The following JMY variants were observed in gnomAD, a reference collection of about 807,000 sequenced individuals.
JMY encodes the protein junction-mediating and -regulatory protein.
In JMY, 46 loss-of-function variants were observed where a neutral mutation model predicts 103.3. The ratio of observed to expected loss-of-function variants is 0.45; its 90% CI spans 0.35 to 0.57. The LOEUF (loss-of-function observed/expected upper bound fraction) is 0.57, where lower values mean the gene tolerates loss of function less well. Ranked by LOEUF, JMY falls within the 20% of genes least tolerant of loss-of-function variation. The pLI, the probability that JMY is intolerant of heterozygous loss-of-function variation, is 0.00. For missense variants in JMY, 1,238 were observed against 1,255.2 expected (o/e 0.99, Z 0.21); for synonymous variants, 526 against 489.3 (o/e 1.07, Z -0.99).
At chr5:79,260,327 A>G (rs1043504556) in intron 1 of JMY, among the ~76,000 whole-genome samples, 6 of 152,092 alleles carry the variant, frequency 3.9e-5, no homozygotes, top group Admixed American at 2.0e-4. Flanking sequence ...CAGGAAACCC[A>G]CTGCCACCAC....
At position 79,261,629 on chromosome 5, in the gene JMY, T is replaced by C. The variant is rs1473994540; in HGVS notation, c.1033-16281T>C. Among the ~76,000 whole-genome samples the C allele has an allele frequency of 2.0e-5, 3 of 152,304 alleles. No homozygotes were observed. The East Asian group carries it at 5.8e-4, about 29-fold the overall frequency. On this transcript the variant is annotated intron_variant, in intron 1 of 10. Coordinates refer to ENST00000396137, the MANE Select transcript of JMY (RefSeq NM_152405.5). The stretch of plus-strand genomic sequence containing the variant: ...ACTATTTTCCCTAACCCCCCTTACA[T>C]GAAAATTGTGTACTTCTCAGTAACC...
intron 2 of JMY, among the ~76,000 whole-genome samples, chr5:79,280,970 A>G (rs1340914185): frequency 6.6e-6 from 1 of 151,754 alleles, no homozygotes; most frequent in African/African-American, 2.4e-5. Context: ...TTGATTAGCA[A>G]AGTAGTTGTT....
intron 10 of JMY, among the ~76,000 whole-genome samples, chr5:79,318,761 T>TATAGAG (rs1218912301): frequency 1.5e-3 from 83 of 53,562 alleles, no homozygotes; most frequent in Admixed American, 2.3e-3. Flanking sequence ...TATATATATA[T>TATAGAG]AGAGAGAGAG....
intron 1 of JMY, among the ~76,000 whole-genome samples, chr5:79,254,145 G>C (rs1232612229): frequency 6.6e-6 from 1 of 151,266 alleles, no homozygotes; most frequent in Non-Finnish European, 1.5e-5. Flanking sequence ...AGTAGAGACG[G>C]GGTTTCGCGA....
intron 2 of JMY, among the ~76,000 whole-genome samples, chr5:79,278,813 G>A (rs991832674): frequency 4.0e-4 from 47 of 116,298 alleles, no homozygotes; most frequent in African/African-American, 1.3e-3. Flanking sequence ...TTTTTTTTTC[G>A]AGATGGGATC....
At chr5:79,260,056 C>G (rs1745374146) in intron 1 of JMY, among the ~76,000 whole-genome samples, 1 of 152,236 alleles carries the variant, frequency 6.6e-6, no homozygotes, top group African/African-American at 2.4e-5. Context: ...CAGCCTGGCC[C>G]CATTGCAGTG....
At position 79,236,477 on chromosome 5, in the gene JMY, G is replaced by A. The variant is rs1744496813; in HGVS notation, c.-174G>A. 1 of 450,332 alleles carries A rather than the reference G, an allele frequency of 2.2e-6. No individual in the cohort carries two copies. Among genetic ancestry groups the A allele is most frequent in the Admixed American group, 4.5e-5 (1 of 22,414 alleles). The allele number at this position is 450,332 out of a possible 1,614,324, so 27.9% of individuals were successfully genotyped here. A position where few individuals can be genotyped will look rare whatever the true frequency, so the allele number is the denominator to read the frequency against. ...TTCTCTCGATCCGCGCCACAAAGGA[G>A]CTCGGCGGTCGGGGCGCGGAGGGAC... On this transcript the variant is annotated 5_prime_UTR_variant, in exon 1 of 11. Coordinates refer to ENST00000396137, the MANE Select transcript of JMY (RefSeq NM_152405.5).
Position 79,300,112 on chromosome 5 carries a change from C to G in JMY, c.1528-41C>G, listed in dbSNP as rs747245454. 1.9e-6 allele frequency: 3 copies of G among 1,583,520 alleles called. No homozygotes were observed. In the East Asian group the frequency reaches 6.8e-5, roughly 36 times the overall value. On this transcript the variant is annotated intron_variant, in intron 4 of 10. Coordinates refer to ENST00000396137, the MANE Select transcript of JMY (RefSeq NM_152405.5). ...TTAATACTAACTCAATTTTCTTGTC[C>G]CCACCAGCTAGAAATTTTTTAATTT...
At chr5:79,240,798 T>A (rs1744716343) in intron 1 of JMY, among the ~76,000 whole-genome samples, 1 of 152,216 alleles carries the variant, frequency 6.6e-6, no homozygotes, top group South Asian at 2.1e-4. Flanking sequence ...CATGTATTTG[T>A]CTTAAGCTAA....
chr5:79,320,377 T>C (rs1345519761), intron 10 of JMY, among the ~76,000 whole-genome samples: 1 of 151,546 alleles, frequency 6.6e-6, no homozygotes, highest in Non-Finnish European at 1.5e-5. Context: ...TCTCACTGTG[T>C]CAGCCAGGCT....
Position 79,284,729 on chromosome 5 carries a change from C to G in JMY, c.1207-5392C>G, listed in dbSNP as rs182399680. ...GCAAGACTCACTTCAAACACACGAC[C>G]CTTGAGACCATCAGATGCAATTTTG... On this transcript the variant is annotated intron_variant, in intron 2 of 10. Coordinates refer to ENST00000396137, the MANE Select transcript of JMY (RefSeq NM_152405.5). 555 of 1,591,058 alleles carry G rather than the reference C, an allele frequency of 3.5e-4. No homozygotes were observed. In the African/African-American group the frequency reaches 4.1e-3, roughly 12 times the overall value.
chr5:79,310,717 A>G (rs73769612), intron 7 of JMY, among the ~76,000 whole-genome samples: 14 of 152,362 alleles, frequency 9.2e-5, no homozygotes, highest in African/African-American at 2.6e-4. Flanking sequence ...TCTCTAAAAC[A>G]AAATATGAGG....
intron 2 of JMY, among the ~76,000 whole-genome samples, chr5:79,282,304 T>C (rs530043774): frequency 6.6e-6 from 1 of 152,154 alleles, no homozygotes; most frequent in Admixed American, 6.5e-5. Context: ...TTAGGGGAAA[T>C]TGACAGGGAG....
chr5:79,275,835 T>C (rs1745922281), intron 1 of JMY, among the ~76,000 whole-genome samples: 1 of 152,222 alleles, frequency 6.6e-6, no homozygotes, highest in Non-Finnish European at 1.5e-5. Context: ...TTGTCTGATT[T>C]ATCATGATTG....
chr5:79,304,636 A>G (rs1292731264), intron 6 of JMY, among the ~76,000 whole-genome samples: 1 of 152,200 alleles, frequency 6.6e-6, no homozygotes, highest in Non-Finnish European at 1.5e-5. Context: ...TTTGGTGGCA[A>G]AACCAGACCT....
At position 79,290,205 on chromosome 5, in the gene JMY, A is replaced by G; in HGVS notation, c.1291A>G (p.Met431Val). The G allele has an allele frequency of 1.3e-6, 2 of 1,593,744 alleles. No homozygotes were observed. Among genetic ancestry groups the G allele is most frequent in the Non-Finnish European group, 8.6e-7 (1 of 1,168,270 alleles). The change falls in exon 3 of 11, where the codon ATG becomes GTG. Residue 431 changes from methionine to valine, a missense_variant. Transcript: ENST00000396137. Reference sequence around the variant, plus strand: ...TGCTGATTGGCAGCGGAAAGCTCACATGGCTGTACTGTCTATTCAAGATCT... The same window carrying G: ...TGCTGATTGGCAGCGGAAAGCTCACGTGGCTGTACTGTCTATTCAAGATCT... ...EDADWQRKAH[M>V]AVLSIQDLTV... is the part of the protein sequence containing the mutation.
At chr5:79,258,462 C>T (rs1447137774) in intron 1 of JMY, among the ~76,000 whole-genome samples, 2 of 151,954 alleles carry the variant, frequency 1.3e-5, no homozygotes, top group African/African-American at 4.8e-5. Flanking sequence ...GCTCATTCTA[C>T]CCACTCAGCC....
intron 6 of JMY, among the ~76,000 whole-genome samples, chr5:79,303,931 G>A (rs1241582038): frequency 2.6e-5 from 4 of 152,118 alleles, no homozygotes; most frequent in Non-Finnish European, 5.9e-5. Flanking sequence ...AACTGTACAG[G>A]TGAGGGGTGA....
intron 8 of JMY, among the ~76,000 whole-genome samples, chr5:79,314,017 C>T (rs1046808387): frequency 2.6e-5 from 4 of 152,198 alleles, no homozygotes; most frequent in East Asian, 1.9e-4. Flanking sequence ...TGCCACCACA[C>T]CCAGCTAATT....
Sources: allele counts gnomAD v4.1 joint callset (sites outside exome capture counted in the v4.1 genomes callset), GRCh38; gene constraint gnomAD v4.1.1; transcripts MANE v1.5; gene names NCBI Gene and HGNC (gene_info 2026-07-23, HGNC 2026-07-21).